NUBPL: variants seen among roughly 807,000 people sequenced by gnomAD.
NUBPL encodes iron-sulfur cluster transfer protein NUBPL.
A neutral mutation model predicts 45.7 loss-of-function variants in NUBPL; 31 were observed. That is an observed-to-expected ratio of 0.68 (90% CI 0.51 to 0.92). NUBPL has a LOEUF of 0.92. Ranked by LOEUF, NUBPL falls within the 40% of genes least tolerant of loss-of-function variation. The pLI is 0.00. For synonymous variants in NUBPL, 144 were observed against 140.9 expected, an observed-to-expected ratio of 1.02 and a Z score of -0.15; for missense variants, 401 against 398.7, an observed-to-expected ratio of 1.01 and a Z score of -0.05.
chr14:31,588,713 G>C (rs940450939), intron 3 of NUBPL, among the ~76,000 whole-genome samples: 1 of 151,746 alleles, frequency 6.6e-6, no homozygotes, highest in African/African-American at 2.4e-5. Context: ...TCAGGAGTTC[G>C]AGACCAGCCT....
chr14:31,805,714 T>G (rs555383970), intron 7 of NUBPL, among the ~76,000 whole-genome samples: 1 of 151,992 alleles, frequency 6.6e-6, no homozygotes, highest in African/African-American at 2.4e-5. Context: ...TGAGAACACA[T>G]GGACACAAAG....
chr14:31,694,760 C>T (rs1399457630), intron 6 of NUBPL, among the ~76,000 whole-genome samples: 3 of 152,158 alleles, frequency 2.0e-5, no homozygotes, highest in East Asian at 1.9e-4. Flanking sequence ...ATGATCTGCC[C>T]GCCTCGGCCT....
intron 3 of NUBPL, among the ~76,000 whole-genome samples, chr14:31,567,381 C>G (rs909147911): frequency 6.6e-6 from 1 of 152,150 alleles, no homozygotes; most frequent in African/African-American, 2.4e-5. Flanking sequence ...AAAATTTCTT[C>G]TGCTCATTGA....
chr14:31,800,849 G>A (rs2039573503), intron 7 of NUBPL: 2 of 152,108 alleles, frequency 1.3e-5, no homozygotes, highest in Admixed American at 6.6e-5. Context: ...GAGAGTTTTA[G>A]TAATTTATTT....
At chr14:31,576,529 G>A (rs1158181095) in intron 3 of NUBPL, among the ~76,000 whole-genome samples, 1 of 152,164 alleles carries the variant, frequency 6.6e-6, no homozygotes, top group African/African-American at 2.4e-5. Flanking sequence ...ACAAAGTGCT[G>A]GGATTACAGG....
chr14:31,792,235 TA>T (rs569571676), intron 7 of NUBPL, among the ~76,000 whole-genome samples: 1 of 152,274 alleles, frequency 6.6e-6, no homozygotes, highest in Middle Eastern at 3.4e-3. Context: ...TAATCCCTGA[TA>T]AAAAAATAAA....
intron 8 of NUBPL, among the ~76,000 whole-genome samples, chr14:31,837,730 G>T (rs1390806795): frequency 6.6e-6 from 1 of 152,030 alleles, no homozygotes; most frequent in Non-Finnish European, 1.5e-5. Context: ...GAAAAAATAG[G>T]CAAGAGACCC....
intron 6 of NUBPL, chr14:31,772,008 T>C (rs1194682486): frequency 2.4e-6 from 1 of 415,402 alleles, no homozygotes; most frequent in Admixed American, 6.4e-5. Flanking sequence ...CTGTAGATAC[T>C]CTTAGGGGGC....
chr14:31,837,112 G>A (rs1188613886), intron 8 of NUBPL, among the ~76,000 whole-genome samples: 3 of 152,122 alleles, frequency 2.0e-5, no homozygotes, highest in African/African-American at 4.8e-5. Context: ...GCTTGAAGCC[G>A]GGAGTTAAAG....
At chr14:31,700,849 C>G (rs914793522) in intron 6 of NUBPL, among the ~76,000 whole-genome samples, 1 of 152,180 alleles carries the variant, frequency 6.6e-6, no homozygotes, top group African/African-American at 2.4e-5. Context: ...CGTGGGTTCC[C>G]TCACGGCCTG....
chr14:31,669,503 G>T (rs576798001), intron 4 of NUBPL, among the ~76,000 whole-genome samples: 1 of 150,880 alleles, frequency 6.6e-6, no homozygotes, highest in South Asian at 2.1e-4. Context: ...GAGTACATAT[G>T]AAGGTTTGTT....
chr14:31,576,670 G>C (rs1465672994), intron 3 of NUBPL, among the ~76,000 whole-genome samples: 1 of 152,144 alleles, frequency 6.6e-6, no homozygotes, highest in Non-Finnish European at 1.5e-5. Context: ...CAGTCTTCTT[G>C]TCATTTACCA....
chr14:31,678,600 A>T (rs1004105160), intron 6 of NUBPL, among the ~76,000 whole-genome samples: 1 of 152,080 alleles, frequency 6.6e-6, no homozygotes, highest in South Asian at 2.1e-4. Flanking sequence ...ATGAGCCTGG[A>T]GTGGGGTCCT....
In NUBPL at chr14:31,641,829, C is replaced by G. The variant is rs368373442; in HGVS notation, c.383-31526C>G. Among the ~76,000 whole-genome samples the G allele has an allele frequency of 2.6e-5, 4 of 152,298 alleles. No homozygotes were observed. The East Asian group carries it at 5.8e-4, about 22-fold the overall frequency. On this transcript the variant is annotated intron_variant, in intron 4 of 10. Transcript: ENST00000281081. The stretch of plus-strand genomic sequence containing the variant: ...AGGAGGGTTTCCCTTTATTTACATC[C>G]TCACCTGCATCTGTTACCTCATGTC...
chr14:31,633,207 T>C (rs1595398066), intron 4 of NUBPL, among the ~76,000 whole-genome samples: 1 of 152,230 alleles, frequency 6.6e-6, no homozygotes, highest in South Asian at 2.1e-4. Flanking sequence ...GCCTTTGACC[T>C]ACCTCTCTGC....
At chr14:31,640,316 C>T (rs118052642) in intron 4 of NUBPL, among the ~76,000 whole-genome samples, 8 of 152,090 alleles carry the variant, frequency 5.3e-5, no homozygotes, top group South Asian at 2.1e-4. Flanking sequence ...ACTTAAGAAA[C>T]GCTTTGGGGC....
chr14:31,746,029 C>G (rs369910417), intron 6 of NUBPL, among the ~76,000 whole-genome samples: 2 of 151,996 alleles, frequency 1.3e-5, no homozygotes, highest in Admixed American at 1.3e-4. Flanking sequence ...CCCCTCACCC[C>G]GCTCAGCTGA....
At chr14:31,617,459 TAGTTTATTGAG>T (rs1218175455) in intron 4 of NUBPL, among the ~76,000 whole-genome samples, 2 of 152,218 alleles carry the variant, frequency 1.3e-5, no homozygotes, top group African/African-American at 4.8e-5. Context: ...CATCAATACC[TAGTTTATTGAG>T]AGTTTTTAGC....
rs369319848 is a variant in NUBPL, at chr14:31,602,959, A to T, written c.382+3580A>T. On this transcript the variant is annotated intron_variant, in intron 4 of 10. Transcript: ENST00000281081. The stretch of plus-strand genomic sequence containing the variant: ...CTCTTTAATGTTTACTGCTGTTGTT[A>T]TTGCATTTAAAAAATAAAGCTATCA... Among the ~76,000 whole-genome samples, 4 of 152,266 alleles carry T rather than the reference A, an allele frequency of 2.6e-5. No individual in the cohort carries two copies. The East Asian group carries it at 7.7e-4, about 29-fold the overall frequency.
Sources: allele counts gnomAD v4.1 joint callset (sites outside exome capture counted in the v4.1 genomes callset), GRCh38; gene constraint gnomAD v4.1.1; transcripts MANE v1.5; gene names NCBI Gene and HGNC (gene_info 2026-07-23, HGNC 2026-07-21).